Variants in MVB12B observed in about 807,000 individuals in gnomAD.
MVB12B encodes the protein ESCRT-I complex subunit MVB12B.
MVB12B carries 16 observed loss-of-function variants against 41.6 expected under a neutral mutation model. The ratio of observed to expected loss-of-function variants is 0.38; its 90% confidence interval spans 0.26 to 0.58. The LOEUF (loss-of-function observed/expected upper bound fraction) is 0.58, where lower values mean the gene tolerates loss of function less well. MVB12B is among the 20% of genes least tolerant of loss of function. The probability of loss-of-function intolerance (pLI) is 0.62; values close to 1 mark genes in which losing one functional copy is unlikely to be tolerated. For missense variants in MVB12B, 274 were observed against 380.2 expected, an observed-to-expected ratio of 0.72 and a Z score of 2.32; for synonymous variants, 133 against 139.7, an observed-to-expected ratio of 0.95 and a Z score of 0.34.
intron 9 of MVB12B, among the ~76,000 whole-genome samples, chr9:126,500,197 A>G (rs2119240303): frequency 6.6e-6 from 1 of 151,320 alleles, no homozygotes; most frequent in Non-Finnish European, 1.5e-5. Flanking sequence ...CAGTAGATAC[A>G]GCAAGACCTA....
At chr9:126,362,232 T>C (rs191370917) in intron 2 of MVB12B, among the ~76,000 whole-genome samples, 26 of 152,300 alleles carry the variant, frequency 1.7e-4, no homozygotes, top group Non-Finnish European at 3.1e-4. Context: ...TCCAGTGACA[T>C]GTATATTGAA....
intron 8 of MVB12B, among the ~76,000 whole-genome samples, chr9:126,482,327 T>C (rs1480041335): frequency 6.6e-6 from 1 of 152,252 alleles, no homozygotes; most frequent in Non-Finnish European, 1.5e-5. Context: ...AAGAATCCTT[T>C]AGTGTTTTTC....
chr9:126,501,337 T>G (rs1373480863), intron 9 of MVB12B, among the ~76,000 whole-genome samples: 1 of 152,126 alleles, frequency 6.6e-6, no homozygotes, highest in Non-Finnish European at 1.5e-5. Context: ...ACCTGAGAGA[T>G]GAGTTCACTG....
At chr9:126,410,170 T>TGG (rs1209333069) in intron 6 of MVB12B, among the ~76,000 whole-genome samples, 1 of 146,068 alleles carries the variant, frequency 6.8e-6, no homozygotes, top group African/African-American at 2.5e-5. Context: ...TGTGTGTGTG[T>TGG]GTGCACGCAT....
chr9:126,338,906 T>A (rs1431864777), intron 1 of MVB12B, among the ~76,000 whole-genome samples: 3 of 152,218 alleles, frequency 2.0e-5, no homozygotes, highest in Non-Finnish European at 4.4e-5. Flanking sequence ...CAGGAAGCAC[T>A]AAGCCCTGTG....
intron 1 of MVB12B, among the ~76,000 whole-genome samples, chr9:126,338,882 G>T (rs1384263835): frequency 1.3e-5 from 2 of 152,176 alleles, no homozygotes; most frequent in Non-Finnish European, 2.9e-5. Context: ...TATTTACTTA[G>T]TGCCTACTGT....
chr9:126,328,726 G>A (rs1829048486), intron 1 of MVB12B, among the ~76,000 whole-genome samples: 1 of 152,168 alleles, frequency 6.6e-6, no homozygotes, highest in South Asian at 2.1e-4. Context: ...GTTAACGGAT[G>A]AATGAGAGGA....
At chr9:126,402,955 A>T (rs1265794504) in intron 6 of MVB12B, among the ~76,000 whole-genome samples, 4 of 152,224 alleles carry the variant, frequency 2.6e-5, no homozygotes, top group Non-Finnish European at 5.9e-5. Flanking sequence ...CTTCCAGCCG[A>T]AAGGACCAGC....
chr9:126,402,200 T>C (rs1476188733), intron 6 of MVB12B, among the ~76,000 whole-genome samples: 2 of 152,218 alleles, frequency 1.3e-5, no homozygotes, highest in Non-Finnish European at 2.9e-5. Flanking sequence ...GGGTTCTGTG[T>C]ATCCCAGGTG....
chr9:126,330,104 T>C (rs1454809640), intron 1 of MVB12B, among the ~76,000 whole-genome samples: 1 of 152,120 alleles, frequency 6.6e-6, no homozygotes, highest in African/African-American at 2.4e-5. Context: ...GTTGGGGACA[T>C]CCTGTGGGCA....
At chr9:126,409,925 C>T (rs1176474503) in intron 6 of MVB12B, among the ~76,000 whole-genome samples, 3 of 152,198 alleles carry the variant, frequency 2.0e-5, no homozygotes, top group Admixed American at 1.3e-4. Context: ...TCTAGTGGCC[C>T]ACTGTAATCT....
At chr9:126,489,003 T>C (rs554247155) in intron 9 of MVB12B, among the ~76,000 whole-genome samples, 1 of 152,284 alleles carries the variant, frequency 6.6e-6, no homozygotes, top group East Asian at 1.9e-4. Context: ...AGGACACAGA[T>C]GGCCTGGCCT....
At chr9:126,429,969 C>T (rs968692083) in intron 7 of MVB12B, among the ~76,000 whole-genome samples, 2 of 152,180 alleles carry the variant, frequency 1.3e-5, no homozygotes, top group East Asian at 1.9e-4. Context: ...GAGTGTTAAG[C>T]GTGGGACCTC....
At chr9:126,494,863 A>ACC (rs200929920) in intron 9 of MVB12B, among the ~76,000 whole-genome samples, 24 of 146,202 alleles carry the variant, frequency 1.6e-4, no homozygotes, top group African/African-American at 2.5e-4. Flanking sequence ...ACCAGGGAGC[A>ACC]CCCCACCCCC....
intron 8 of MVB12B, among the ~76,000 whole-genome samples, chr9:126,483,241 G>C (rs973040044): frequency 6.6e-6 from 1 of 152,206 alleles, no homozygotes; most frequent in African/African-American, 2.4e-5. Context: ...TGCCCTCCGA[G>C]CCTCTGAGTC....
intron 7 of MVB12B, among the ~76,000 whole-genome samples, chr9:126,475,787 G>A (rs1482108546): frequency 3.9e-5 from 6 of 152,202 alleles, no homozygotes; most frequent in Non-Finnish European, 8.8e-5. Flanking sequence ...TTGGGAAGTC[G>A]GGCTGGGAAA....
At position 126,327,099 on chromosome 9, in the gene MVB12B, G is replaced by GGGGC. The variant is rs1259576895; in HGVS notation, c.81+96_81+99dup. 5.5e-5 allele frequency: 13 copies of GGGGC among 235,628 alleles called. 1 individual carries two copies. In the South Asian group the frequency reaches 1.4e-3, roughly 25 times the overall value. The allele number at this position is 235,628 out of a possible 1,614,324, so 14.6% of individuals were successfully genotyped here. ...CGGGCGGGCGCGGGCCCCCGGCCGA[G>GGGGC]GGGCGGGCGGACGGGAGGAGCCGGG... On this transcript the variant is annotated intron_variant, in intron 1 of 9. Transcript: ENST00000361171.
chr9:126,457,894 C>T (rs1003910782), intron 7 of MVB12B, among the ~76,000 whole-genome samples: 1 of 152,180 alleles, frequency 6.6e-6, no homozygotes, highest in African/African-American at 2.4e-5. Context: ...GAGCCCCTCT[C>T]CACCAAAACC....
At chr9:126,435,779 C>G (rs1322251831) in intron 7 of MVB12B, among the ~76,000 whole-genome samples, 1 of 152,114 alleles carries the variant, frequency 6.6e-6, no homozygotes, top group Non-Finnish European at 1.5e-5. Context: ...CCCAGAGGCT[C>G]GAAGGCCACA....
Sources: allele counts gnomAD v4.1 joint callset (sites outside exome capture counted in the v4.1 genomes callset), GRCh38; gene constraint gnomAD v4.1.1; transcripts MANE v1.5; gene names NCBI Gene and HGNC (gene_info 2026-07-23, HGNC 2026-07-21).